Variants in SCP2 observed in about 807,000 individuals in gnomAD.
SCP2 encodes the protein sterol carrier protein 2.
SCP2 carries 48 observed loss-of-function variants against 71.4 expected under a neutral mutation model. The ratio of observed to expected loss-of-function variants is 0.67; its 90% CI spans 0.53 to 0.86. The LOEUF (loss-of-function observed/expected upper bound fraction) is 0.86. SCP2 is among the 40% of genes least tolerant of loss of function. The pLI, the probability that SCP2 is intolerant of heterozygous loss-of-function variation, is 0.00. For missense variants in SCP2, 560 were observed against 655.6 expected, an observed-to-expected ratio of 0.85 and a Z score of 1.59; for synonymous variants, 220 against 218.1, an observed-to-expected ratio of 1.01 and a Z score of -0.08.
intron 1 of SCP2, among the ~76,000 whole-genome samples, chr1:52,939,207 C>G (rs1342950256): frequency 6.6e-6 from 1 of 152,142 alleles, no homozygotes; most frequent in African/African-American, 2.4e-5. Flanking sequence ...TGAAGGACAT[C>G]TTGATTGCTT....
chr1:53,045,802 T>G (rs2150274757), intron 14 of SCP2, among the ~76,000 whole-genome samples: 1 of 152,284 alleles, frequency 6.6e-6, no homozygotes, highest in Middle Eastern at 3.4e-3. Context: ...TCACCAGAAA[T>G]CAAGATACAG....
At chr1:52,960,630 ATATG>A (rs1253323122) in intron 5 of SCP2, among the ~76,000 whole-genome samples, 13 of 144,242 alleles carry the variant, frequency 9.0e-5, no homozygotes, top group African/African-American at 3.2e-4. Context: ...ATGTATGTAT[ATATG>A]TGTATATATG....
intron 2 of SCP2, among the ~76,000 whole-genome samples, chr1:52,943,048 C>T (rs1057103812): frequency 2.6e-5 from 4 of 152,068 alleles, no homozygotes; most frequent in Admixed American, 1.3e-4. Context: ...AATTCACACA[C>T]GCATGAAAAT....
In SCP2 at chr1:52,991,772, GT is replaced by G. The variant is rs542388470; in HGVS notation, c.1081+3647del. On this transcript the variant is annotated intron_variant, in intron 11 of 15. Transcript: ENST00000371514. Reference sequence around the variant, plus strand: ...TTGGAAAAGAATGTTCTTTAATTTGGTTTTTTTTTTTGTGATAACAGATCAA... The same window carrying G: ...TTGGAAAAGAATGTTCTTTAATTTGGTTTTTTTTTTGTGATAACAGATCAA... 2.3e-3 allele frequency among the ~76,000 whole-genome samples: 328 copies of G among 145,058 alleles called. 1 individual carries two copies. The highest frequency in any genetic ancestry group is 7.0e-3 in the Middle Eastern group (2 of 284).
chr1:53,022,278 T>G (rs1033495330), intron 12 of SCP2, among the ~76,000 whole-genome samples: 5 of 152,226 alleles, frequency 3.3e-5, no homozygotes, highest in Non-Finnish European at 7.3e-5. Context: ...TTGTCAAGAT[T>G]CATCCATGTT....
At chr1:53,049,801 C>T (rs894029154) in intron 15 of SCP2, 1 of 152,160 alleles carries the variant, frequency 6.6e-6, no homozygotes, top group African/African-American at 2.4e-5. Context: ...CAGAAAAAAA[C>T]AGAGCTCCTT....
intron 11 of SCP2, among the ~76,000 whole-genome samples, chr1:53,004,393 C>T (rs895972250): frequency 6.6e-6 from 1 of 152,128 alleles, no homozygotes; most frequent in East Asian, 1.9e-4. Context: ...CCTCTGAGCC[C>T]AAGCTAAGCC....
intron 6 of SCP2, among the ~76,000 whole-genome samples, chr1:52,962,055 C>T (rs1279294792): frequency 6.6e-6 from 1 of 152,116 alleles, no homozygotes; most frequent in Non-Finnish European, 1.5e-5. Context: ...ATGTGCACCA[C>T]CATGTTCGGC....
intron 11 of SCP2, among the ~76,000 whole-genome samples, chr1:52,989,241 C>G (rs950818022): frequency 5.3e-5 from 8 of 152,058 alleles, no homozygotes; most frequent in African/African-American, 1.7e-4. Flanking sequence ...TGGGAAGTGG[C>G]AAAATAACAA....
At chr1:53,048,886 A>T (rs1664018136) in intron 15 of SCP2, 1 of 152,068 alleles carries the variant, frequency 6.6e-6, no homozygotes, top group African/African-American at 2.4e-5. Flanking sequence ...TTCCAATGTA[A>T]CTTAATTTTT....
chr1:52,993,608 T>A, intron 11 of SCP2: 1 of 1,612,360 alleles, frequency 6.2e-7, no homozygotes, highest in East Asian at 2.2e-5. Context: ...TCCTGCTGTA[T>A]CCAAAATATC....
At chr1:52,995,144 G>A in intron 11 of SCP2, 1 of 495,986 alleles carries the variant, frequency 2.0e-6, no homozygotes. Context: ...CACTCAATGG[G>A]CTCTGGAATG....
intron 11 of SCP2, chr1:52,993,366 G>A: frequency 1.2e-6 from 2 of 1,614,108 alleles, no homozygotes; most frequent in Non-Finnish European, 1.7e-6. Flanking sequence ...GTTACCTTAA[G>A]TTGCCGTGCT....
chr1:52,992,293 A>C (rs1042570820), intron 11 of SCP2, among the ~76,000 whole-genome samples: 289 of 152,116 alleles, frequency 1.9e-3, no homozygotes, highest in Non-Finnish European at 3.4e-3. Flanking sequence ...AACATATAAA[A>C]ATATTTGTTA....
At chr1:52,971,762 G>A (rs554312821) in intron 6 of SCP2, among the ~76,000 whole-genome samples, 4 of 152,324 alleles carry the variant, frequency 2.6e-5, no homozygotes, top group African/African-American at 4.8e-5. Flanking sequence ...CCTTCTGGGC[G>A]TGGGGCAGGT....
chr1:53,050,583 T>C lies in SCP2; in HGVS notation c.1549-26T>C, dbSNP rs368158994. The C allele has an allele frequency of 9.5e-6, 14 of 1,477,078 alleles. No individual in the cohort carries two copies. In the African/African-American group the frequency reaches 1.9e-4, roughly 20 times the overall value. The allele number at this position is 1,477,078 out of a possible 1,614,324, so 91.5% of individuals were successfully genotyped here. On this transcript the variant is annotated intron_variant, in intron 15 of 15. Transcript: ENST00000371514. ...AATCTTAAAACAAAAAAACACCAAGTAATGAATTTTCTTTCTTCTTCACAG... is the reference window on the plus strand; with the variant it reads ...AATCTTAAAACAAAAAAACACCAAGCAATGAATTTTCTTTCTTCTTCACAG...
intron 11 of SCP2, among the ~76,000 whole-genome samples, chr1:52,990,270 A>AC (rs112224797): frequency 0.12 from 18,019 of 151,806 alleles, 2,000 homozygotes; most frequent in African/African-American, 0.3. Context: ...GTTTTCAACA[A>AC]AAAAAAAGAA....
At chr1:53,002,815 TGAGAAGAAGTG>T (rs1447943465) in intron 11 of SCP2, among the ~76,000 whole-genome samples, 1 of 152,208 alleles carries the variant, frequency 6.6e-6, no homozygotes, top group Non-Finnish European at 1.5e-5. Flanking sequence ...GAAAATGATG[TGAGAAGAAGTG>T]GAATTTTAAC....
chr1:52,961,748 T>C, intron 6 of SCP2, 119 bp downstream of exon 6: 5 of 924,134 alleles, frequency 5.4e-6, no homozygotes, highest in Non-Finnish European at 8.5e-6. Context: ...GTAAAATGTT[T>C]TTTGAATTAA....
Sources: gnomAD v4.1 joint callset for allele counts (sites outside exome capture counted in the v4.1 genomes callset) on GRCh38, gnomAD v4.1.1 for gene constraint, MANE v1.5 for transcripts, NCBI Gene and HGNC (gene_info 2026-07-23, HGNC 2026-07-21) for gene names.